Variants in COMMD7 observed in about 807,000 individuals in gnomAD.
COMMD7 encodes COMM domain containing 7.
COMMD7 carries 28 observed loss-of-function variants against 34.8 expected under a neutral mutation model. That is an observed-to-expected ratio of 0.80 (90% confidence interval 0.60 to 1.10). The LOEUF (loss-of-function observed/expected upper bound fraction) is 1.10. Ranked by LOEUF, COMMD7 falls within the 50% of genes least tolerant of loss-of-function variation. COMMD7 has a pLI of 0.00. For missense variants in COMMD7, 211 were observed against 241.6 expected (o/e 0.87, Z 0.84); for synonymous variants, 80 against 86.4 (o/e 0.93, Z 0.41).
intron 1 of COMMD7, among the ~76,000 whole-genome samples, chr20:32,735,340 C>A (rs1185916051): frequency 1.3e-5 from 2 of 151,824 alleles, no homozygotes; most frequent in African/African-American, 4.8e-5. Flanking sequence ...TTTTTTGAGA[C>A]AGAGTCTCTC....
At chr20:32,739,984 C>CG (rs1348296860) in intron 1 of COMMD7, among the ~76,000 whole-genome samples, 1 of 141,020 alleles carries the variant, frequency 7.1e-6, no homozygotes, top group Non-Finnish European at 1.5e-5. Flanking sequence ...ATCACATCCC[C>CG]GCACTCTAGC....
At chr20:32,733,189 T>C (rs539809263) in intron 1 of COMMD7, among the ~76,000 whole-genome samples, 1 of 152,188 alleles carries the variant, frequency 6.6e-6, no homozygotes, top group South Asian at 2.1e-4. Flanking sequence ...CACTCCAGCC[T>C]GGGCAACAGA....
In COMMD7 at chr20:32,727,899, G is replaced by C. The variant is rs544717179; in HGVS notation, c.235C>G (p.Pro79Ala). The change falls in exon 3 of 9, where the codon CCA (proline) becomes GCA (alanine). Residue 79 changes from proline (P) to alanine (A), a missense_variant. Physicochemically the swap from Pro to Ala is conservative, Grantham distance 27. Coordinates refer to ENST00000278980, the MANE Select transcript of COMMD7 (RefSeq NM_053041.3). The stretch of plus-strand genomic sequence containing the variant: ...GCTAAGAGAGGTTACTCACCATTTG[G>C]AACCAGAAGGAGGCTTTTCACGATG... The part of the protein sequence containing the change: ...RSIVKSLLLV[P>A]NGALKKSLTA... 6.2e-7 allele frequency: 1 copy of C among 1,611,652 alleles called. No individual in the cohort carries two copies. Among genetic ancestry groups the C allele is most frequent in the East Asian group, 2.2e-5 (1 of 44,864 alleles).
chr20:32,718,695 T>C (rs1304603452), intron 3 of COMMD7, among the ~76,000 whole-genome samples: 1 of 151,484 alleles, frequency 6.6e-6, no homozygotes, highest in Non-Finnish European at 1.5e-5. Context: ...CGAGACTCTG[T>C]CTCAAATAAA....
At chr20:32,735,395 G>A (rs978637249) in intron 1 of COMMD7, among the ~76,000 whole-genome samples, 1 of 150,564 alleles carries the variant, frequency 6.6e-6, no homozygotes, top group African/African-American at 2.4e-5. Context: ...ATGGCTCACT[G>A]CAACCTCCGC....
At chr20:32,725,918 C>A (rs1173439341) in intron 3 of COMMD7, among the ~76,000 whole-genome samples, 1 of 151,406 alleles carries the variant, frequency 6.6e-6, no homozygotes, top group Non-Finnish European at 1.5e-5. Flanking sequence ...CAAAAAATAG[C>A]CAGGCATGGT....
intron 3 of COMMD7, among the ~76,000 whole-genome samples, chr20:32,719,402 C>T (rs1357851418): frequency 6.6e-6 from 1 of 152,176 alleles, no homozygotes; most frequent in Non-Finnish European, 1.5e-5. Flanking sequence ...AATCCCAGCA[C>T]TTTGGGAGGC....
chr20:32,708,532 G>A (rs1196958048), intron 3 of COMMD7, among the ~76,000 whole-genome samples: 1 of 152,136 alleles, frequency 6.6e-6, no homozygotes, highest in East Asian at 1.9e-4. Flanking sequence ...CTCTGAGAAG[G>A]TGGCTACTTC....
At chr20:32,706,850 A>C in intron 3 of COMMD7, 90 bp from the exon 4 acceptor site, 1 of 1,039,038 alleles carries the variant, frequency 9.6e-7, no homozygotes, top group Non-Finnish European at 1.5e-6. Context: ...TGTGACCTAA[A>C]GGACAAAAGG....
At chr20:32,710,922 A>C (rs1984399488) in intron 3 of COMMD7, among the ~76,000 whole-genome samples, 1 of 151,856 alleles carries the variant, frequency 6.6e-6, no homozygotes, top group Non-Finnish European at 1.5e-5. Flanking sequence ...CTACAAAAAT[A>C]AAAATAAAAA....
intron 1 of COMMD7, among the ~76,000 whole-genome samples, chr20:32,729,733 A>C (rs1985727237): frequency 6.6e-6 from 1 of 151,872 alleles, no homozygotes; most frequent in South Asian, 2.1e-4. Flanking sequence ...TGGGCTGGGC[A>C]TAGTGGCTCA....
In COMMD7 at chr20:32,705,175, C is replaced by A. The variant is rs997451796; in HGVS notation, c.337-271G>T. Among the ~76,000 whole-genome samples, 6 of 151,946 alleles carry A rather than the reference C, an allele frequency of 3.9e-5. No homozygotes were observed. The East Asian group carries it at 9.7e-4, about 25-fold the overall frequency. On this transcript the variant is annotated intron_variant, in intron 5 of 8. Coordinates refer to ENST00000278980, the MANE Select transcript of COMMD7 (RefSeq NM_053041.3). ...AAAAACAGTGCTGCCATCATACTGG[C>A]CCCCACATGGCTTCTACTAGACAAT...
intron 1 of COMMD7, among the ~76,000 whole-genome samples, chr20:32,741,160 A>G (rs547602556): frequency 2.0e-5 from 1 of 49,318 alleles, no homozygotes; most frequent in East Asian, 5.5e-4. Flanking sequence ...CAAACAAACA[A>G]AAAAAAACTG....
chr20:32,724,323 G>A lies in COMMD7; in HGVS notation c.241+3570C>T, dbSNP rs1187453216. Reference sequence around the variant, plus strand: ...CCCCGTCCGGGAGGGAGGTGGGGGGGTCAGCCCCCCGCCCGGCCAGCCGCC... The same window carrying A: ...CCCCGTCCGGGAGGGAGGTGGGGGGATCAGCCCCCCGCCCGGCCAGCCGCC... On this transcript the variant is annotated intron_variant, in intron 3 of 8. Transcript: ENST00000278980. Among the ~76,000 whole-genome samples the A allele has an allele frequency of 7.8e-4, 16 of 20,404 alleles. 2 individuals carry two copies. Among genetic ancestry groups the A allele is most frequent in the Admixed American group, 4.5e-3 (15 of 3,314 alleles). 13.4% of individuals were successfully genotyped at this position (20,404 alleles called of 152,430 possible).
intron 7 of COMMD7, 115 bp downstream of exon 7, chr20:32,704,325 A>C (rs1178326113): frequency 2.0e-6 from 2 of 999,930 alleles, no homozygotes; most frequent in Non-Finnish European, 3.0e-6. Context: ...CTGCTCTGAG[A>C]TATATAAGGT....
intron 3 of COMMD7, among the ~76,000 whole-genome samples, chr20:32,721,082 A>G (rs1046275635): frequency 4.6e-5 from 7 of 152,246 alleles, no homozygotes; most frequent in African/African-American, 1.7e-4. Flanking sequence ...CATATCTCAG[A>G]TGCTGGAAGG....
intron 3 of COMMD7, among the ~76,000 whole-genome samples, chr20:32,722,679 G>C: frequency 6.8e-6 from 1 of 147,878 alleles, no homozygotes; most frequent in African/African-American, 2.5e-5. Context: ...AGCCGAGATC[G>C]TGCCACTGCA....
At chr20:32,718,794 G>T (rs1445141179) in intron 3 of COMMD7, among the ~76,000 whole-genome samples, 8 of 148,888 alleles carry the variant, frequency 5.4e-5, no homozygotes, top group Admixed American at 2.0e-4. Flanking sequence ...AAAAAAAAAA[G>T]AAACCAAAAA....
chr20:32,741,976 T>G (rs1318399654), intron 1 of COMMD7, among the ~76,000 whole-genome samples: 1 of 152,084 alleles, frequency 6.6e-6, no homozygotes, highest in Non-Finnish European at 1.5e-5. Flanking sequence ...TCACCTGAGG[T>G]CAGGTGTTCA....
Sources: allele counts gnomAD v4.1 joint callset (sites outside exome capture counted in the v4.1 genomes callset), GRCh38; gene constraint gnomAD v4.1.1; transcripts MANE v1.5; gene names NCBI Gene and HGNC (gene_info 2026-07-23, HGNC 2026-07-21).